The following FARS2 variants were observed in gnomAD, a reference collection of about 807,000 sequenced individuals.
FARS2 encodes phenylalanine--tRNA ligase, mitochondrial.
Under a neutral mutation model 46.4 loss-of-function variants are expected in FARS2, and 40 were observed. The ratio of observed to expected loss-of-function variants is 0.86; its 90% CI spans 0.67 to 1.12. The LOEUF (loss-of-function observed/expected upper bound fraction) is 1.12, where lower values mean the gene tolerates loss of function less well. Among genes scored for constraint, FARS2 ranks in the 50% most tolerant of loss-of-function variants. The probability of loss-of-function intolerance (pLI) is 0.00; values close to 1 mark genes in which losing one functional copy is unlikely to be tolerated. For missense variants in FARS2, 513 were observed against 567.9 expected (o/e 0.90, Z 0.98); for synonymous variants, 234 against 214.9 (o/e 1.09, Z -0.78).
intron 4 of FARS2, among the ~76,000 whole-genome samples, chr6:5,474,663 GTT>G (rs760857089): frequency 1.5e-5 from 2 of 133,938 alleles, no homozygotes; most frequent in African/African-American, 2.8e-5. Flanking sequence ...ATACAGTACT[GTT>G]TTTTTTTTTT....
At chr6:5,532,575 C>A (rs1206772940) in intron 4 of FARS2, among the ~76,000 whole-genome samples, 1 of 152,168 alleles carries the variant, frequency 6.6e-6, no homozygotes, top group Non-Finnish European at 1.5e-5. Flanking sequence ...CATAGTGAAA[C>A]CCTGTCTCTA....
chr6:5,332,134 C>A (rs768634439), intron 1 of FARS2, among the ~76,000 whole-genome samples: 1 of 152,166 alleles, frequency 6.6e-6, no homozygotes, highest in African/African-American at 2.4e-5. Context: ...GAAGTACCAG[C>A]GCTGAGATTC....
intron 1 of FARS2, among the ~76,000 whole-genome samples, chr6:5,269,795 G>A (rs896536542): frequency 1.2e-4 from 19 of 152,298 alleles, no homozygotes; most frequent in African/African-American, 4.1e-4. Context: ...GATACATATC[G>A]TTGATAGTAT....
chr6:5,367,138 C>G (rs1160761062), intron 1 of FARS2, among the ~76,000 whole-genome samples: 1 of 152,236 alleles, frequency 6.6e-6, no homozygotes, highest in African/African-American at 2.4e-5. Flanking sequence ...TAGATTTCCT[C>G]AGTTCCAATT....
intron 4 of FARS2, among the ~76,000 whole-genome samples, chr6:5,501,111 C>T (rs1171680508): frequency 6.6e-6 from 1 of 151,488 alleles, no homozygotes; most frequent in Non-Finnish European, 1.5e-5. Flanking sequence ...CTAGACAGAC[C>T]AAGCCAGCAG....
At chr6:5,406,134 T>C (rs1486928660) in intron 3 of FARS2, among the ~76,000 whole-genome samples, 3 of 152,196 alleles carry the variant, frequency 2.0e-5, no homozygotes, top group Admixed American at 2.0e-4. Context: ...TACTTACATT[T>C]CTTATCTGAG....
chr6:5,562,007 G>C (rs1235857153), intron 5 of FARS2, among the ~76,000 whole-genome samples: 1 of 151,420 alleles, frequency 6.6e-6, no homozygotes, highest in East Asian at 1.9e-4. Flanking sequence ...CTAATTTCTT[G>C]CTTTTAAAAA....
chr6:5,567,330 G>C (rs1488094875), intron 5 of FARS2, among the ~76,000 whole-genome samples: 1 of 151,934 alleles, frequency 6.6e-6, no homozygotes, highest in African/African-American at 2.4e-5. Context: ...ATGTCCTTTC[G>C]AGTACTTTGC....
rs1198809605 is a variant in FARS2 at position 5,548,030 on chromosome 6, GGC to G, written c.1065+2692_1065+2693del. Reference sequence around the variant, plus strand: ...ATGGCTGGGGAGGCCTCAGAATCATGGCGGTGGGCGAAAGGCACTTCTTACAT... The same window carrying G: ...ATGGCTGGGGAGGCCTCAGAATCATGGGTGGGCGAAAGGCACTTCTTACAT... On this transcript the variant is annotated intron_variant, in intron 5 of 6. Transcript: ENST00000274680. Among the ~76,000 whole-genome samples the G allele has an allele frequency of 1.2e-4, 19 of 152,342 alleles. No homozygotes were observed. The South Asian group carries it at 2.3e-3, about 18-fold the overall frequency.
At chr6:5,664,007 G>A (rs1421867719) in intron 6 of FARS2, among the ~76,000 whole-genome samples, 5 of 152,106 alleles carry the variant, frequency 3.3e-5, no homozygotes, top group Admixed American at 1.3e-4. Flanking sequence ...TCAGATCTGT[G>A]GCCCCCCTGG....
Position 5,467,823 on chromosome 6 carries a change from A to G in FARS2, c.904+36651A>G, listed in dbSNP as rs200208. Among the ~76,000 whole-genome samples, 279 of 152,326 alleles carry G rather than the reference A, an allele frequency of 1.8e-3. 2 individuals carry two copies. Among genetic ancestry groups the G allele is most frequent in the African/African-American group, 6.5e-3 (271 of 41,588 alleles). On this transcript the variant is annotated intron_variant, in intron 4 of 6. Transcript: ENST00000274680. ...TTATGCCTTACCATTTTATGGTTCT[A>G]TGATTCTAGATATACATTTTGATGA...
At chr6:5,606,727 C>G (rs1456083068) in intron 5 of FARS2, among the ~76,000 whole-genome samples, 1 of 152,240 alleles carries the variant, frequency 6.6e-6, no homozygotes, top group Non-Finnish European at 1.5e-5. Context: ...TTCTAGTCCC[C>G]CAGTTCAATA....
At chr6:5,548,972 A>G (rs911950581) in intron 5 of FARS2, among the ~76,000 whole-genome samples, 3 of 152,244 alleles carry the variant, frequency 2.0e-5, no homozygotes, top group African/African-American at 7.2e-5. Flanking sequence ...GTATTCACTT[A>G]TAATTAGTAT....
chr6:5,475,872 G>A (rs140143373), intron 4 of FARS2, among the ~76,000 whole-genome samples: 2 of 152,116 alleles, frequency 1.3e-5, no homozygotes, highest in East Asian at 1.9e-4. Flanking sequence ...CATGGATGCC[G>A]GTCGTTGCTC....
At chr6:5,326,045 ATGTT>A (rs1561959290) in intron 1 of FARS2, among the ~76,000 whole-genome samples, 1 of 152,224 alleles carries the variant, frequency 6.6e-6, no homozygotes, top group Non-Finnish European at 1.5e-5. Flanking sequence ...GTTTATGACA[ATGTT>A]TGGCAATGTG....
In FARS2 at chr6:5,764,355, T is replaced by TTCC. The variant is rs1283423884; in HGVS notation, c.1218-6922_1218-6920dup. On this transcript the variant is annotated intron_variant, in intron 6 of 6. Coordinates refer to ENST00000274680, the MANE Select transcript of FARS2 (RefSeq NM_006567.5). The surrounding 1 kb of genome is among the most constrained non-coding windows in gnomAD (Gnocchi z 4.1). ...GAGAGGCCATGGAACCTGTCCTCAC[T>TTCC]TCCTCCTCCTCCTCCTGCCTTACTG... Among the ~76,000 whole-genome samples, 2 of 152,164 alleles carry TTCC rather than the reference T, an allele frequency of 1.3e-5. No individual in the cohort carries two copies. Among genetic ancestry groups the TTCC allele is most frequent in the East Asian group, 1.9e-4 (1 of 5,178 alleles).
intron 1 of FARS2, among the ~76,000 whole-genome samples, chr6:5,276,039 A>C (rs537644604): frequency 2.6e-5 from 4 of 152,192 alleles, no homozygotes; most frequent in Non-Finnish European, 5.9e-5. Context: ...TACTAGTCAC[A>C]ATCATTTAAA....
At chr6:5,364,537 T>C (rs1367955480) in intron 1 of FARS2, among the ~76,000 whole-genome samples, 1 of 152,178 alleles carries the variant, frequency 6.6e-6, no homozygotes, top group African/African-American at 2.4e-5. Flanking sequence ...ATTTTATTAA[T>C]AGTGTAGAAA....
At chr6:5,701,242 A>G (rs1183526067) in intron 6 of FARS2, among the ~76,000 whole-genome samples, 1 of 152,252 alleles carries the variant, frequency 6.6e-6, no homozygotes, top group East Asian at 1.9e-4. Flanking sequence ...CCGGAGAGTT[A>G]GGGCCCCGTG....
Sources: allele counts gnomAD v4.1 joint callset (sites outside exome capture counted in the v4.1 genomes callset), GRCh38; gene constraint gnomAD v4.1.1; non-coding constraint Gnocchi (gnomAD v3.1); transcripts MANE v1.5; gene names NCBI Gene and HGNC (gene_info 2026-07-23, HGNC 2026-07-21).